Variants in DCC observed in about 807,000 individuals in gnomAD.
DCC encodes DCC netrin 1 receptor.
In DCC, 58 loss-of-function variants were observed where a neutral mutation model predicts 172.5. The ratio of observed to expected loss-of-function variants is 0.34; its 90% CI spans 0.27 to 0.42. The LOEUF (loss-of-function observed/expected upper bound fraction) is 0.42, where lower values mean the gene tolerates loss of function less well. Ranked by LOEUF, DCC falls within the 10% of genes least tolerant of loss-of-function variation. The pLI, the probability that DCC is intolerant of heterozygous loss-of-function variation, is 1.00. For synonymous variants in DCC, 709 were observed against 644.5 expected (o/e 1.10, Z -1.52); for missense variants, 1,740 against 1,791.0 (o/e 0.97, Z 0.51).
chr18:53,519,528 G>GT (rs34417946), intron 27 of DCC, among the ~76,000 whole-genome samples: 9,342 of 140,126 alleles, frequency 0.067, 335 homozygotes, highest in Middle Eastern at 0.12. Context: ...AAAATGAAGT[G>GT]TTTTTTTTTT....
chr18:52,532,429 G>T (rs1376604359), intron 1 of DCC, among the ~76,000 whole-genome samples: 6 of 152,076 alleles, frequency 3.9e-5, no homozygotes, highest in African/African-American at 1.2e-4. Flanking sequence ...GTTGCCAATT[G>T]TTCTGTGTAG....
chr18:52,441,318 G>A (rs1987963046), intron 1 of DCC, among the ~76,000 whole-genome samples: 1 of 152,132 alleles, frequency 6.6e-6, no homozygotes, highest in South Asian at 2.1e-4. Context: ...TATTAGAAGT[G>A]AGAAATGTTT....
At chr18:53,095,709 T>TA (rs2043076021) in intron 7 of DCC, among the ~76,000 whole-genome samples, 3 of 151,952 alleles carry the variant, frequency 2.0e-5, no homozygotes, top group Admixed American at 6.6e-5. Flanking sequence ...CTCCTCATTT[T>TA]AAAAATCCTT....
At chr18:53,505,014 TTTTTCCCCCCCTAAAAG>T (rs2046153980) in intron 27 of DCC, among the ~76,000 whole-genome samples, 1 of 151,678 alleles carries the variant, frequency 6.6e-6, no homozygotes, top group South Asian at 2.1e-4. Flanking sequence ...TTAGAGTGAC[TTTTTCCCCCCCTAAAAG>T]GGGTCTTCTA....
intron 15 of DCC, among the ~76,000 whole-genome samples, chr18:53,374,953 T>C (rs2058094745): frequency 1.3e-5 from 2 of 152,212 alleles, no homozygotes; most frequent in Admixed American, 1.3e-4. Context: ...GTGTAAACCA[T>C]TTGGGCCTAC....
intron 7 of DCC, among the ~76,000 whole-genome samples, chr18:53,073,975 T>G (rs950053978): frequency 1.7e-4 from 26 of 151,906 alleles, no homozygotes; most frequent in Non-Finnish European, 2.8e-4. Flanking sequence ...CTAACTTCAC[T>G]GAGATTCAGT....
rs190310900 is a variant in DCC, at chr18:52,342,417, C to G, written c.91+1539C>G. Among the ~76,000 whole-genome samples, 275 of 125,152 alleles carry G rather than the reference C, an allele frequency of 2.2e-3. 2 individuals are homozygous for G. Among genetic ancestry groups the G allele is most frequent in the African/African-American group, 7.8e-3 (259 of 32,998 alleles). The allele number at this position is 125,152 out of a possible 152,430, so 82.1% of individuals were successfully genotyped here. A position where few individuals can be genotyped will look rare whatever the true frequency, so the allele number is the denominator to read the frequency against. On this transcript the variant is annotated intron_variant, in intron 1 of 28. Coordinates refer to ENST00000442544, the MANE Select transcript of DCC (RefSeq NM_005215.4). Reference sequence around the variant, plus strand: ...CCCCTCCTCCCCTGGCTCTTCTCTCCCGGAGCTTTGTCCTCAACAATTACT... The same window carrying G: ...CCCCTCCTCCCCTGGCTCTTCTCTCGCGGAGCTTTGTCCTCAACAATTACT...
intron 15 of DCC, among the ~76,000 whole-genome samples, chr18:53,377,352 T>TGAGAGAGAGAGAGA (rs59629030): frequency 0.028 from 3,772 of 136,962 alleles, 77 homozygotes; most frequent in Middle Eastern, 0.044. Context: ...AAGATGCATT[T>TGAGAGAGAGAGAGA]GAGAGAGAGA....
intron 1 of DCC, among the ~76,000 whole-genome samples, chr18:52,618,986 G>A (rs2144855654): frequency 6.6e-6 from 1 of 152,256 alleles, no homozygotes; most frequent in East Asian, 1.9e-4. Context: ...CGCCCAGGCT[G>A]GAGTGCAATG....
intron 23 of DCC, among the ~76,000 whole-genome samples, 167 bp downstream of exon 23, chr18:53,450,829 G>A (rs964545617): frequency 1.1e-4 from 17 of 152,218 alleles, no homozygotes; most frequent in Middle Eastern, 3.4e-3. Flanking sequence ...AAGTGAGTGA[G>A]GGCTAGACTC....
chr18:52,629,627 C>T (rs1363090508), intron 1 of DCC, among the ~76,000 whole-genome samples: 1 of 151,950 alleles, frequency 6.6e-6, no homozygotes, highest in African/African-American at 2.4e-5. Context: ...CCAGCCTGCC[C>T]AATATGGTGA....
intron 1 of DCC, among the ~76,000 whole-genome samples, chr18:52,382,434 T>C (rs1985624891): frequency 6.6e-6 from 1 of 152,278 alleles, no homozygotes; most frequent in South Asian, 2.1e-4. Flanking sequence ...ATAAATGCCT[T>C]AATGAAGAAA....
At chr18:53,356,414 G>A (rs1380402129) in intron 15 of DCC, among the ~76,000 whole-genome samples, 1 of 151,990 alleles carries the variant, frequency 6.6e-6, no homozygotes, top group East Asian at 1.9e-4. Flanking sequence ...AGATGTTCGT[G>A]TTTTTAAAAT....
At chr18:53,438,515 T>C (rs188907996) in intron 22 of DCC, among the ~76,000 whole-genome samples, 110 of 152,132 alleles carry the variant, frequency 7.2e-4, no homozygotes, top group African/African-American at 2.3e-3. Context: ...TCTCAATTTA[T>C]ATATGCACCC....
intron 2 of DCC, among the ~76,000 whole-genome samples, chr18:52,774,470 C>T (rs547959897): frequency 9.8e-4 from 150 of 152,328 alleles, no homozygotes; most frequent in Middle Eastern, 6.8e-3. Flanking sequence ...TCCCTGTTTA[C>T]TTTGTGCAGA....
In DCC at chr18:52,497,314, T is replaced by TATATATATACAC. The variant is rs1281625390; in HGVS notation, c.91+156437_91+156438insTATATATACACA. On this transcript the variant is annotated intron_variant, in intron 1 of 28. Transcript: ENST00000442544. Reference sequence around the variant, plus strand: ...ATATATATATATATATATATATATATACACACACACATATATATACACACG... The same window carrying TATATATATACAC: ...ATATATATATATATATATATATATATATATATATACACACACACACACATATATATACACACG... Among the ~76,000 whole-genome samples, 2 of 73,982 alleles carry TATATATATACAC rather than the reference T, an allele frequency of 2.7e-5. 1 individual carries two copies. Among genetic ancestry groups the TATATATATACAC allele is most frequent in the African/African-American group, 1.0e-4 (2 of 19,770 alleles). The allele number at this position is 73,982 out of a possible 152,430, so 48.5% of individuals were successfully genotyped here.
chr18:52,877,972 AC>A (rs1409793060), intron 2 of DCC, among the ~76,000 whole-genome samples: 1 of 152,080 alleles, frequency 6.6e-6, no homozygotes, highest in Non-Finnish European at 1.5e-5. Flanking sequence ...CCATTTCTAT[AC>A]CCATGAAATA....
intron 5 of DCC, among the ~76,000 whole-genome samples, chr18:53,026,537 A>G (rs1483421909): frequency 1.3e-5 from 2 of 152,044 alleles, no homozygotes; most frequent in Non-Finnish European, 2.9e-5. Flanking sequence ...ATTACTTGCT[A>G]CCACAACCTG....
Position 53,530,244 on chromosome 18 carries a change from T to A in DCC, c.4255-320T>A, listed in dbSNP as rs959605512. The A allele has an allele frequency of 1.3e-5, 9 of 675,398 alleles. 1 individual carries two copies. The South Asian group carries it at 1.5e-4, about 11-fold the overall frequency. The allele number at this position is 675,398 out of a possible 1,614,324, so 41.8% of individuals were successfully genotyped here. A position where few individuals can be genotyped will look rare whatever the true frequency, so the allele number is the denominator to read the frequency against. ...TTTTATAGATGAAGAAAATTACGTATCAGAGAGGTGCACTCACTTGTCTAA... is the reference window on the plus strand; with the variant it reads ...TTTTATAGATGAAGAAAATTACGTAACAGAGAGGTGCACTCACTTGTCTAA... On this transcript the variant is annotated intron_variant, in intron 28 of 28. Transcript: ENST00000442544.
Sources: allele counts gnomAD v4.1 joint callset (sites outside exome capture counted in the v4.1 genomes callset), GRCh38; gene constraint gnomAD v4.1.1; transcripts MANE v1.5; gene names NCBI Gene and HGNC (gene_info 2026-07-23, HGNC 2026-07-21).